NPAT: variants seen among roughly 807,000 people sequenced by gnomAD.
The protein encoded by NPAT is protein NPAT.
A neutral mutation model predicts 130.7 loss-of-function variants in NPAT; 52 were observed. The ratio of observed to expected loss-of-function variants is 0.40; its 90% CI spans 0.32 to 0.50. The LOEUF (loss-of-function observed/expected upper bound fraction) is 0.50. Among genes scored for constraint, NPAT ranks in the 20% least tolerant of loss-of-function variants. NPAT has a pLI of 0.68. For missense variants in NPAT, 1,687 were observed against 1,662.6 expected, an observed-to-expected ratio of 1.01 and a Z score of -0.26; for synonymous variants, 580 against 584.8, an observed-to-expected ratio of 0.99 and a Z score of 0.12.
chr11:108,199,422 C>T (rs527716213), intron 1 of NPAT, among the ~76,000 whole-genome samples: 25 of 152,304 alleles, frequency 1.6e-4, no homozygotes, highest in South Asian at 6.2e-4. Context: ...CCCAGGCAGG[C>T]GCGCCACAGG....
chr11:108,182,867 C>A (rs1328214206), intron 10 of NPAT, among the ~76,000 whole-genome samples: 1 of 152,264 alleles, frequency 6.6e-6, no homozygotes, highest in Non-Finnish European at 1.5e-5. Context: ...TACTTTCTTA[C>A]AATCCTTCAC....
Position 108,176,377 on chromosome 11 carries a change from G to C in NPAT, c.1004-3C>G. 6.6e-7 allele frequency: 1 copy of C among 1,524,480 alleles called. No homozygotes were observed. The highest frequency in any genetic ancestry group is 9.1e-7 in the Non-Finnish European group (1 of 1,100,222). 94.4% of individuals were successfully genotyped at this position (1,524,480 alleles called of 1,614,324 possible). ...ATTTTTATTATTCTTTGTTTTGCCT[G>C]TTAAAAAGGGAATATGGAAATAATT... is the stretch of plus-strand genomic sequence containing the variant. On this transcript the variant is annotated splice_polypyrimidine_tract_variant and splice_region_variant and intron_variant, in intron 11 of 17. Transcript: ENST00000278612.
At chr11:108,163,084 AT>A (rs953421363) in intron 15 of NPAT, among the ~76,000 whole-genome samples, 1 of 151,544 alleles carries the variant, frequency 6.6e-6, no homozygotes, top group African/African-American at 2.4e-5. Flanking sequence ...TTATTTATTT[AT>A]TTATTTATTT....
rs369641700 is a variant in NPAT, at chr11:108,158,972, T to C, written c.4254A>G (p.Lys1418=). ...CATCATAATGCAATGATAACAAAAA[T>C]TTGTCTACATCCATTCCTGCTGGAA... is the stretch of plus-strand genomic sequence containing the variant. The part of the protein sequence containing the change: ...SSFPAGMDVD[K]FLLSLHYDE Residue 1418 remains lysine, a synonymous_variant, in exon 18 of 18, where the codon AAA becomes AAG. Transcript: ENST00000278612. 2.5e-6 allele frequency: 4 copies of C among 1,608,056 alleles called. No individual in the cohort carries two copies.
chr11:108,161,984 T>C lies in NPAT; in HGVS notation c.3102A>G (p.Thr1034=). 6.2e-7 allele frequency: 1 copy of C among 1,607,610 alleles called. No individual in the cohort carries two copies. Among genetic ancestry groups the C allele is most frequent in the Non-Finnish European group, 8.5e-7 (1 of 1,177,322 alleles). The change falls in exon 17 of 18, where the codon ACA becomes ACG. Residue 1034 remains threonine (T), a synonymous_variant. Coordinates refer to ENST00000278612, the MANE Select transcript of NPAT (RefSeq NM_002519.3). The part of the protein sequence containing the change: ...KTEVSDKSIA[T]DLGKKSEETT... ...TTTCTTCTGATTTTTTCCCAAGATC[T>C]GTGGCAATACTTTTGTCAGAAACTT...
At chr11:108,183,215 G>A (rs2134853051) in intron 10 of NPAT, among the ~76,000 whole-genome samples, 1 of 152,218 alleles carries the variant, frequency 6.6e-6, no homozygotes, top group South Asian at 2.1e-4. Flanking sequence ...TTGAACCTCT[G>A]GGCTCAAGCA....
chr11:108,161,483 T>C lies in NPAT; in HGVS notation c.3603A>G (p.Ile1201Met), dbSNP rs2077848825. The change falls in exon 17 of 18, where the codon ATA becomes ATG. Residue 1201 changes from isoleucine to methionine, a missense_variant. Around this residue, in one of 3 missense-constraint regions of NPAT, gnomAD observed 1,379 missense variants for 1,346.6 expected, o/e 1.02. Transcript: ENST00000278612. ...TTTTGGTCATTTCTTGCAGTGAAGC[T>C]ATAGATTTCTCACTTCGCAAACCCC... ...QNGGLRSEKS[I>M]ASLQEMTKKQ... is the part of the protein sequence containing the mutation. 4.3e-6 allele frequency: 7 copies of C among 1,614,244 alleles called. No individual in the cohort carries two copies. The highest frequency in any genetic ancestry group is 4.5e-5 in the East Asian group (2 of 44,892).
At chr11:108,188,384 A>G (rs1484278946) in intron 6 of NPAT, among the ~76,000 whole-genome samples, 1 of 152,240 alleles carries the variant, frequency 6.6e-6, no homozygotes, top group Non-Finnish European at 1.5e-5. Context: ...AATAAAATCC[A>G]AAGTACAATA....
chr11:108,165,546 T>A (rs1201747794), intron 15 of NPAT, among the ~76,000 whole-genome samples: 1 of 150,098 alleles, frequency 6.7e-6, no homozygotes, highest in East Asian at 1.9e-4. Context: ...CCCACTGCAC[T>A]CTCAACCTCC....
Position 108,173,660 on chromosome 11 carries a change from T to C in NPAT, c.1324A>G (p.Ile442Val), listed in dbSNP as rs779326365. 7 of 1,614,072 alleles carry C rather than the reference T, an allele frequency of 4.3e-6. No individual in the cohort carries two copies. Among genetic ancestry groups the C allele is most frequent in the African/African-American group, 2.7e-5 (2 of 74,930 alleles). ...VPTEQKCDID[I>V]TFESVPNLND... ...AAATTAGGCACGGACTCAAAGGTAA[T>C]GTCAATGTCACACTTCTGTTCAGTG... The change falls in exon 13 of 18, where the codon ATT becomes GTT. Residue 442 changes from isoleucine to valine, a missense_variant. Transcript: ENST00000278612.
rs1325695414 is a variant in NPAT, at chr11:108,222,503, A to G, written c.34T>C (p.Leu12=). The G allele has an allele frequency of 1.9e-6, 3 of 1,613,804 alleles. No homozygotes were observed. The highest frequency in any genetic ancestry group is 2.5e-6 in the Non-Finnish European group (3 of 1,179,890). The change falls in exon 1 of 18, where the codon TTG becomes CTG. Residue 12 remains leucine, a synonymous_variant. Coordinates refer to ENST00000278612, the MANE Select transcript of NPAT (RefSeq NM_002519.3). ...LLPSDVARLV[L]GYLQQENLIS... ...TCCATCCCGCGTCCGCGCTTACCCA[A>G]TACAAGCCGGGCTACGTCCGAGGGT...
intron 1 of NPAT, among the ~76,000 whole-genome samples, chr11:108,221,630 G>A (rs1337624355): frequency 6.6e-6 from 1 of 152,174 alleles, no homozygotes; most frequent in Non-Finnish European, 1.5e-5. Context: ...GAATACTATG[G>A]GAGGTTTCAT....
At chr11:108,189,377 T>C (rs1161782142) in intron 5 of NPAT, 47 bp from the exon 6 acceptor site, 2 of 1,570,332 alleles carry the variant, frequency 1.3e-6, no homozygotes, top group Non-Finnish European at 1.8e-6. Flanking sequence ...TCAGGGTAGT[T>C]TGGGAATTGT....
chr11:108,215,715 C>T lies in NPAT; in HGVS notation c.37+6785G>A, dbSNP rs114311067. Among the ~76,000 whole-genome samples, 1,053 of 152,258 alleles carry T rather than the reference C, an allele frequency of 6.9e-3. 16 individuals are homozygous for T. Among genetic ancestry groups the T allele is most frequent in the African/African-American group, 0.023 (974 of 41,524 alleles). On this transcript the variant is annotated intron_variant, in intron 1 of 17. Transcript: ENST00000278612. ...TGGTCATCTCGTTACAGGCAATGCCCTAGCTGTGATTTGGGAATCAACTCA... is the reference window on the plus strand; with the variant it reads ...TGGTCATCTCGTTACAGGCAATGCCTTAGCTGTGATTTGGGAATCAACTCA...
intron 7 of NPAT, 88 bp downstream of exon 7, chr11:108,188,010 T>C: frequency 1.1e-6 from 1 of 906,042 alleles, no homozygotes; most frequent in Non-Finnish European, 1.8e-6. Flanking sequence ...GTCCTATTAG[T>C]TTATTCACAA....
rs1287815907 is a variant in NPAT at position 108,169,739 on chromosome 11, G to A, written c.3010+5C>T. ...AGTTAACATTAATGAAATTAAAAAT[G>A]GTACCTATACAAGGCTTGTTTCTTA... On this transcript the variant is annotated splice_donor_5th_base_variant and intron_variant, in intron 15 of 17. Transcript: ENST00000278612. 1.9e-6 allele frequency: 3 copies of A among 1,565,984 alleles called. No homozygotes were observed. The Admixed American group carries it at 5.0e-5, about 26-fold the overall frequency.
At position 108,158,018 on chromosome 11, in the gene NPAT, G is replaced by A. The variant is rs1483933934; in HGVS notation, c.*924C>T. On this transcript the variant is annotated 3_prime_UTR_variant, in exon 18 of 18. Transcript: ENST00000278612. Reference sequence around the variant, plus strand: ...GATTTCTCTTTTTACATCTTATGATGGACACAACACCAGAAGATAATCCTC... The same window carrying A: ...GATTTCTCTTTTTACATCTTATGATAGACACAACACCAGAAGATAATCCTC... 6.6e-6 allele frequency: 1 copy of A among 152,296 alleles called. No homozygotes were observed. Among genetic ancestry groups the A allele is most frequent in the African/African-American group, 2.4e-5 (1 of 41,368 alleles). The allele number at this position is 152,296 out of a possible 1,614,324, so 9.4% of individuals were successfully genotyped here.
chr11:108,208,588 TA>T (rs34033921), intron 1 of NPAT: 12,077 of 270,266 alleles, frequency 0.045, no homozygotes, highest in South Asian at 0.07. Flanking sequence ...ACCCTGTCTT[TA>T]AAAAAAAAAA....
chr11:108,214,570 A>G lies in NPAT; in HGVS notation c.37+7930T>C, dbSNP rs1304694681. Among the ~76,000 whole-genome samples, 3 of 152,132 alleles carry G rather than the reference A, an allele frequency of 2.0e-5. No individual in the cohort carries two copies. In the East Asian group the frequency reaches 5.8e-4, roughly 29 times the overall value. ...TATCCTGGATTTTCATACCCTGAAA[A>G]ACAACGAAGTTTACATTTTGTAGTA... On this transcript the variant is annotated intron_variant, in intron 1 of 17. Transcript: ENST00000278612.
Sources: gnomAD v4.1 joint callset for allele counts (sites outside exome capture counted in the v4.1 genomes callset) on GRCh38, gnomAD v4.1.1 for gene constraint, gnomAD v4.1.1 regional missense constraint, MANE v1.5 for transcripts, NCBI Gene and HGNC (gene_info 2026-07-23, HGNC 2026-07-21) for gene names.